The following BORCS5 variants were observed in gnomAD, a reference collection of about 807,000 sequenced individuals.
The protein encoded by BORCS5 is BLOC-1-related complex subunit 5.
In BORCS5, 17 loss-of-function variants were observed where a neutral mutation model predicts 22.1. That is an observed-to-expected ratio of 0.77 (90% CI 0.53 to 1.15). BORCS5 has a LOEUF of 1.15. BORCS5 is among the 50% of genes most tolerant of loss of function. The pLI is 0.00. For missense variants in BORCS5, 247 were observed against 253.2 expected, an observed-to-expected ratio of 0.98 and a Z score of 0.17; for synonymous variants, 117 against 99.8, an observed-to-expected ratio of 1.17 and a Z score of -1.03.
chr12:12,423,555 GT>G (rs200341686), intron 2 of BORCS5, among the ~76,000 whole-genome samples: 5 of 121,482 alleles, frequency 4.1e-5, no homozygotes, highest in Admixed American at 8.9e-5. Context: ...TTTGTTTTTT[GT>G]TTTTTTTTCT....
intron 3 of BORCS5, among the ~76,000 whole-genome samples, chr12:12,447,404 T>C (rs1942811072): frequency 6.6e-6 from 1 of 152,070 alleles, no homozygotes; most frequent in African/African-American, 2.4e-5. Flanking sequence ...ACAGGAAGTG[T>C]TTGCTGGAAC....
intron 3 of BORCS5, chr12:12,452,417 T>C (rs754717149): frequency 3.6e-6 from 2 of 551,170 alleles, no homozygotes; most frequent in African/African-American, 1.9e-5. Context: ...CACAAATCCA[T>C]AGGGCTGGTA....
chr12:12,426,494 T>C (rs1942291000), intron 2 of BORCS5, among the ~76,000 whole-genome samples: 1 of 152,230 alleles, frequency 6.6e-6, no homozygotes, highest in Non-Finnish European at 1.5e-5. Flanking sequence ...TGTCTACTTT[T>C]GGGTGTGACA....
At chr12:12,365,114 C>T (rs1451033931) in intron 2 of BORCS5, among the ~76,000 whole-genome samples, 1 of 152,066 alleles carries the variant, frequency 6.6e-6, no homozygotes, top group Non-Finnish European at 1.5e-5. Context: ...TTTGTTTTTC[C>T]ACCTTTTTGA....
chr12:12,421,114 T>G (rs957237808), intron 2 of BORCS5, among the ~76,000 whole-genome samples: 19 of 152,088 alleles, frequency 1.2e-4, no homozygotes, highest in Admixed American at 1.2e-3. Flanking sequence ...GAGGGAGCAT[T>G]CTTGTCTTGT....
chr12:12,409,078 A>G (rs1184815415), intron 2 of BORCS5, among the ~76,000 whole-genome samples: 1 of 146,764 alleles, frequency 6.8e-6, no homozygotes, highest in African/African-American at 2.4e-5. Context: ...TAAGGGTTCT[A>G]CATCTTTGCC....
At chr12:12,385,544 C>G (rs1863861353) in intron 2 of BORCS5, among the ~76,000 whole-genome samples, 1 of 149,790 alleles carries the variant, frequency 6.7e-6, no homozygotes, top group Non-Finnish European at 1.5e-5. Context: ...GAGTCACACT[C>G]TGTCACTCAG....
intron 2 of BORCS5, among the ~76,000 whole-genome samples, chr12:12,419,294 G>A (rs1162456825): frequency 1.3e-5 from 2 of 152,156 alleles, no homozygotes; most frequent in Admixed American, 1.3e-4. Context: ...AACATGCAGT[G>A]TTTGGTTTTC....
At chr12:12,413,315 A>G (rs2136089444) in intron 2 of BORCS5, among the ~76,000 whole-genome samples, 1 of 133,948 alleles carries the variant, frequency 7.5e-6, no homozygotes, top group East Asian at 2.0e-4. Context: ...GCATCTGTTT[A>G]ACAAAGCACA....
intron 2 of BORCS5, among the ~76,000 whole-genome samples, chr12:12,424,511 G>A (rs1942228850): frequency 1.3e-5 from 2 of 151,616 alleles, no homozygotes; most frequent in Admixed American, 1.3e-4. Context: ...TTTGTCTAGT[G>A]GATTTGCCAT....
At chr12:12,419,783 C>T (rs994871139) in intron 2 of BORCS5, among the ~76,000 whole-genome samples, 2 of 152,188 alleles carry the variant, frequency 1.3e-5, no homozygotes, top group Non-Finnish European at 2.9e-5. Context: ...ATTCGCATTT[C>T]TCTGATGACC....
At chr12:12,378,436 TTAGTATA>T (rs1175846875) in intron 2 of BORCS5, among the ~76,000 whole-genome samples, 1 of 152,202 alleles carries the variant, frequency 6.6e-6, no homozygotes, top group Non-Finnish European at 1.5e-5. Context: ...GGCATAGGGC[TTAGTATA>T]TAGTACCTCT....
At chr12:12,364,033 C>A (rs1300224220) in intron 2 of BORCS5, among the ~76,000 whole-genome samples, 4 of 152,002 alleles carry the variant, frequency 2.6e-5, no homozygotes, top group African/African-American at 4.8e-5. Context: ...TTATTATATA[C>A]TATATTATTA....
At chr12:12,381,411 G>A (rs902360218) in intron 2 of BORCS5, among the ~76,000 whole-genome samples, 1 of 151,274 alleles carries the variant, frequency 6.6e-6, no homozygotes, top group Non-Finnish European at 1.5e-5. Flanking sequence ...TGCTTTGTTT[G>A]TTTGCTTGTG....
At chr12:12,416,033 GTGGCT>G (rs1941941110) in intron 2 of BORCS5, among the ~76,000 whole-genome samples, 1 of 152,090 alleles carries the variant, frequency 6.6e-6, no homozygotes, top group Non-Finnish European at 1.5e-5. Context: ...GAGTTTCTAT[GTGGCT>G]TAGCCTTGGT....
chr12:12,438,374 AAAAAAACG>A (rs1942606841), intron 3 of BORCS5, among the ~76,000 whole-genome samples: 1 of 125,046 alleles, frequency 8.0e-6, no homozygotes, highest in African/African-American at 3.8e-5. Context: ...AAAAAAAAAA[AAAAAAACG>A]AAAAACAACA....
chr12:12,366,998 G>C (rs1863420332), intron 2 of BORCS5, among the ~76,000 whole-genome samples: 1 of 151,978 alleles, frequency 6.6e-6, no homozygotes, highest in African/African-American at 2.4e-5. Flanking sequence ...GTGATACTAA[G>C]CAGCTTTGTT....
intron 2 of BORCS5, among the ~76,000 whole-genome samples, chr12:12,411,513 A>G (rs1941731640): frequency 6.6e-6 from 1 of 152,142 alleles, no homozygotes; most frequent in Non-Finnish European, 1.5e-5. Context: ...ATAAATGTAT[A>G]TAATAAAATA....
intron 2 of BORCS5, among the ~76,000 whole-genome samples, chr12:12,374,679 C>T (rs1255626459): frequency 2.6e-5 from 4 of 151,548 alleles, no homozygotes; most frequent in South Asian, 2.1e-4. Flanking sequence ...TTAACCAGGT[C>T]GGGCACTGTA....
Sources: gnomAD v4.1 joint callset for allele counts (sites outside exome capture counted in the v4.1 genomes callset) on GRCh38, gnomAD v4.1.1 for gene constraint, MANE v1.5 for transcripts, NCBI Gene and HGNC (gene_info 2026-07-23, HGNC 2026-07-21) for gene names.